The following ARHGEF12 variants were observed in gnomAD, a reference collection of about 807,000 sequenced individuals.
The protein encoded by ARHGEF12 is KMT2A/ARHGEF12 fusion protein.
A neutral mutation model predicts 211.2 loss-of-function variants in ARHGEF12; 66 were observed. That is an observed-to-expected ratio of 0.31 (90% CI 0.26 to 0.38). The LOEUF (loss-of-function observed/expected upper bound fraction) is 0.38, where lower values mean the gene tolerates loss of function less well. Ranked by LOEUF, ARHGEF12 falls within the 10% of genes least tolerant of loss-of-function variation. ARHGEF12 has a pLI of 1.00. For synonymous variants in ARHGEF12, 592 were observed against 638.4 expected, an observed-to-expected ratio of 0.93 and a Z score of 1.09; for missense variants, 1,429 against 1,869.5, an observed-to-expected ratio of 0.76 and a Z score of 4.34.
chr11:120,468,241 T>C (rs1278775968), intron 29 of ARHGEF12, among the ~76,000 whole-genome samples: 1 of 152,248 alleles, frequency 6.6e-6, no homozygotes, highest in Non-Finnish European at 1.5e-5. Flanking sequence ...GCCTGAGAAT[T>C]TGAATGCATA....
chr11:120,472,345 G>T (rs1335757560), intron 30 of ARHGEF12, among the ~76,000 whole-genome samples: 1 of 151,890 alleles, frequency 6.6e-6, no homozygotes, highest in East Asian at 1.9e-4. Context: ...TTTCTCAAAG[G>T]CTACCCAAGA....
chr11:120,436,765 A>G (rs1271608014), intron 11 of ARHGEF12, among the ~76,000 whole-genome samples: 1 of 152,222 alleles, frequency 6.6e-6, no homozygotes, highest in Non-Finnish European at 1.5e-5. Context: ...TGCAAATACT[A>G]TACCATTTTA....
At chr11:120,370,283 C>G (rs894961899) in intron 1 of ARHGEF12, among the ~76,000 whole-genome samples, 1 of 152,132 alleles carries the variant, frequency 6.6e-6, no homozygotes, top group Non-Finnish European at 1.5e-5. Flanking sequence ...CTATCCTTGT[C>G]ATACATAATG....
At chr11:120,340,824 A>G (rs1942512780) in intron 1 of ARHGEF12, among the ~76,000 whole-genome samples, 1 of 152,236 alleles carries the variant, frequency 6.6e-6, no homozygotes, top group Admixed American at 6.5e-5. Flanking sequence ...AAAGGTATGC[A>G]ATAGTACATT....
intron 1 of ARHGEF12, among the ~76,000 whole-genome samples, chr11:120,405,164 A>G (rs1011271512): frequency 1.3e-5 from 2 of 152,144 alleles, no homozygotes; most frequent in African/African-American, 4.8e-5. Context: ...GTATCATTGT[A>G]TTATGTTTAT....
rs1396748830 is a variant in ARHGEF12 at position 120,336,701 on chromosome 11, G to T, written c.-543G>T. 6.6e-6 allele frequency among the ~76,000 whole-genome samples: 1 copy of T among 152,126 alleles called. No individual in the cohort carries two copies. The highest frequency in any genetic ancestry group is 6.5e-5 in the Admixed American group (1 of 15,286). ...GGTGAGGGCGGCGAGCACAGAAGGA[G>T]CCCCGGGCCCGGGACATGGAATCGC... On this transcript the variant is annotated 5_prime_UTR_variant, in exon 1 of 41. Transcript: ENST00000397843.
chr11:120,354,032 C>CG (rs1229208163), intron 1 of ARHGEF12, among the ~76,000 whole-genome samples: 1 of 151,980 alleles, frequency 6.6e-6, no homozygotes, highest in East Asian at 1.9e-4. Context: ...GAGGAGGAAG[C>CG]GGGACCATAC....
At position 120,488,215 on chromosome 11, in the gene ARHGEF12, T is replaced by C; in HGVS notation, c.*3138T>C. ...TGTTTTCCTCTTTGATGTTAGTAAA[T>C]TTGGTGTAATACGTGGGGCTTCCAT... On this transcript the variant is annotated 3_prime_UTR_variant, in exon 41 of 41. Transcript: ENST00000397843. The C allele has an allele frequency of 1.4e-5, 3 of 216,054 alleles. No homozygotes were observed. The highest frequency in any genetic ancestry group is 1.9e-5 in the Non-Finnish European group (2 of 107,240). 13.4% of individuals were successfully genotyped at this position (216,054 alleles called of 1,614,324 possible). A position where few individuals can be genotyped will look rare whatever the true frequency, so the allele number is the denominator to read the frequency against.
chr11:120,436,827 T>A (rs1364583635), intron 11 of ARHGEF12, among the ~76,000 whole-genome samples: 1 of 152,208 alleles, frequency 6.6e-6, no homozygotes, highest in Non-Finnish European at 1.5e-5. Flanking sequence ...AACAACTGTA[T>A]TAGGTATTAT....
At chr11:120,353,313 C>T (rs958199038) in intron 1 of ARHGEF12, among the ~76,000 whole-genome samples, 3 of 152,208 alleles carry the variant, frequency 2.0e-5, no homozygotes, top group Admixed American at 1.3e-4. Flanking sequence ...GATCAATTAT[C>T]ACAGTCGCAG....
chr11:120,427,628 T>G (rs1945386297), intron 7 of ARHGEF12, among the ~76,000 whole-genome samples: 1 of 150,698 alleles, frequency 6.6e-6, no homozygotes, highest in African/African-American at 2.4e-5. Flanking sequence ...GCTGAGATCG[T>G]GCCGCGGCAC....
At chr11:120,468,026 A>G (rs1187904795) in intron 29 of ARHGEF12, among the ~76,000 whole-genome samples, 1 of 152,166 alleles carries the variant, frequency 6.6e-6, no homozygotes, top group African/African-American at 2.4e-5. Flanking sequence ...AGCCTGCATC[A>G]TTTTTGCTTT....
chr11:120,454,844 G>C (rs1365746763), intron 22 of ARHGEF12, among the ~76,000 whole-genome samples: 1 of 152,142 alleles, frequency 6.6e-6, no homozygotes, highest in Admixed American at 6.5e-5. Context: ...AGAGCGAAAA[G>C]GAAGCCCCAA....
intron 1 of ARHGEF12, among the ~76,000 whole-genome samples, chr11:120,377,822 C>T (rs1020047767): frequency 1.3e-5 from 2 of 152,138 alleles, no homozygotes; most frequent in Admixed American, 6.6e-5. Flanking sequence ...TAAATCTGAA[C>T]ATTTTCCTGT....
chr11:120,476,620 C>T (rs750811256), intron 33 of ARHGEF12, 41 bp from the exon 34 acceptor site: 55 of 1,512,368 alleles, frequency 3.6e-5, no homozygotes, highest in Admixed American at 8.9e-5. Context: ...ATGGCCTCCC[C>T]AGGTCATAGT....
At chr11:120,404,179 T>C (rs1011495155) in intron 1 of ARHGEF12, among the ~76,000 whole-genome samples, 1 of 152,222 alleles carries the variant, frequency 6.6e-6, no homozygotes, top group African/African-American at 2.4e-5. Context: ...AGCCCCAGGC[T>C]TTCTTTGAGG....
At chr11:120,352,184 TTTG>T (rs1160528001) in intron 1 of ARHGEF12, among the ~76,000 whole-genome samples, 2 of 152,188 alleles carry the variant, frequency 1.3e-5, no homozygotes, top group African/African-American at 4.8e-5. Flanking sequence ...CATGAGGGAT[TTTG>T]TCTCATTTGC....
At chr11:120,360,757 A>G (rs7944855) in intron 1 of ARHGEF12, among the ~76,000 whole-genome samples, 1,922 of 152,316 alleles carry the variant, frequency 0.013, 35 homozygotes, top group African/African-American at 0.044. Flanking sequence ...TGTTATAAAT[A>G]GAAAACCAGT....
intron 1 of ARHGEF12, among the ~76,000 whole-genome samples, chr11:120,397,084 T>C (rs1166400457): frequency 6.6e-6 from 1 of 152,256 alleles, no homozygotes; most frequent in African/African-American, 2.4e-5. Flanking sequence ...TGGGCATTTA[T>C]TCAGTTTGTG....
Sources: allele counts gnomAD v4.1 joint callset (sites outside exome capture counted in the v4.1 genomes callset), GRCh38; gene constraint gnomAD v4.1.1; transcripts MANE v1.5; gene names NCBI Gene and HGNC (gene_info 2026-07-23, HGNC 2026-07-21).